COPE: variants seen among roughly 807,000 people sequenced by gnomAD.
COPE encodes coat protein complex I subunit epsilon.
In COPE, 19 loss-of-function variants were observed where a neutral mutation model predicts 42.1. That is an observed-to-expected ratio of 0.45 (90% confidence interval 0.31 to 0.66). The LOEUF (loss-of-function observed/expected upper bound fraction) is 0.66. Among genes scored for constraint, COPE ranks in the 30% least tolerant of loss-of-function variants. The probability of loss-of-function intolerance (pLI) is 0.05; values close to 1 mark genes in which losing one functional copy is unlikely to be tolerated. For synonymous variants in COPE, 195 were observed against 181.3 expected (o/e 1.08, Z -0.60); for missense variants, 402 against 416.1 (o/e 0.97, Z 0.30).
intron 3 of COPE, among the ~76,000 whole-genome samples, chr19:18,909,055 C>G (rs1009180087): frequency 6.6e-6 from 1 of 152,200 alleles, no homozygotes; most frequent in Non-Finnish European, 1.5e-5. Flanking sequence ...GTCCCCGGGG[C>G]GTCCTGCCAA....
intron 1 of COPE, 99 bp downstream of exon 1, chr19:18,919,124 G>T (rs2231984): frequency 0.054 from 74,587 of 1,370,232 alleles, 2,743 homozygotes; most frequent in Admixed American, 0.07. Context: ...AACGCGAGAA[G>T]AAAAGAGAAA....
intron 3 of COPE, among the ~76,000 whole-genome samples, chr19:18,908,292 C>T (rs976862187): frequency 6.6e-6 from 1 of 151,874 alleles, no homozygotes; most frequent in Non-Finnish European, 1.5e-5. Context: ...TCAGCTGGGC[C>T]TGGTGGCGCC....
chr19:18,919,148 G>T, intron 1 of COPE, 75 bp downstream of exon 1: 1 of 1,514,698 alleles, frequency 6.6e-7, no homozygotes, highest in Non-Finnish European at 9.0e-7. Flanking sequence ...TTTAGACGCA[G>T]AACGCGGCTC....
At chr19:18,906,803 C>T (rs1044167164) in intron 4 of COPE, 157 bp downstream of exon 4, 5 of 837,550 alleles carry the variant, frequency 6.0e-6, no homozygotes, top group Admixed American at 3.0e-5. Context: ...CCACACTGGG[C>T]AGGGGAGCTG....
At chr19:18,907,716 T>C (rs559523346) in intron 3 of COPE, among the ~76,000 whole-genome samples, 1 of 152,248 alleles carries the variant, frequency 6.6e-6, no homozygotes, top group South Asian at 2.1e-4. Flanking sequence ...ACCCAGACCC[T>C]CCATTCCCCA....
intron 3 of COPE, among the ~76,000 whole-genome samples, chr19:18,908,820 C>G (rs1047784283): frequency 3.9e-5 from 6 of 151,994 alleles, no homozygotes; most frequent in African/African-American, 1.4e-4. Context: ...CCCGGCCAGG[C>G]AAAACCCCAT....
At chr19:18,902,765 AAGGGAAAG>A (rs1300650521) in intron 7 of COPE, among the ~76,000 whole-genome samples, 975 of 46,190 alleles carry the variant, frequency 0.021, 134 homozygotes, top group African/African-American at 0.079. Context: ...GGAAGGAAGG[AAGGGAAAG>A]AAGGAAGGAA....
intron 7 of COPE, 98 bp from the exon 8 acceptor site, chr19:18,900,547 T>C: frequency 2.2e-6 from 2 of 895,200 alleles, no homozygotes; most frequent in South Asian, 1.6e-5. Context: ...CAAGGTCACC[T>C]CCTCAGAGGT....
At chr19:18,919,006 CAG>C (rs1278207250) in intron 1 of COPE, among the ~76,000 whole-genome samples, 3 of 152,262 alleles carry the variant, frequency 2.0e-5, no homozygotes, top group African/African-American at 7.2e-5. Context: ...TTCAAGGGCG[CAG>C]AGAGAACGCT....
At chr19:18,918,321 C>T (rs566379260) in intron 1 of COPE, among the ~76,000 whole-genome samples, 47 of 152,194 alleles carry the variant, frequency 3.1e-4, no homozygotes, top group African/African-American at 1.1e-3. Context: ...ACTCTCCGAC[C>T]CTGAATCCTT....
intron 4 of COPE, chr19:18,906,731 G>A (rs764754228): frequency 2.0e-5 from 10 of 502,842 alleles, no homozygotes; most frequent in Non-Finnish European, 3.5e-5. Context: ...TGGGAACAGA[G>A]GGTTGCAGCC....
intron 3 of COPE, among the ~76,000 whole-genome samples, chr19:18,908,664 C>T (rs1464841927): frequency 6.6e-6 from 1 of 151,550 alleles, no homozygotes; most frequent in African/African-American, 2.4e-5. Flanking sequence ...CTACAGGCAC[C>T]CGCCACCATG....
At chr19:18,910,884 G>T (rs556356874) in intron 3 of COPE, 87 bp downstream of exon 3, 1 of 1,177,770 alleles carries the variant, frequency 8.5e-7, no homozygotes, top group Non-Finnish European at 1.3e-6. Flanking sequence ...TGCGCTGCAC[G>T]CCATGCCCCC....
chr19:18,902,583 T>C (rs2056710412), intron 7 of COPE, among the ~76,000 whole-genome samples: 1 of 145,980 alleles, frequency 6.9e-6, no homozygotes, highest in Non-Finnish European at 1.5e-5. Context: ...AAGAATCACT[T>C]GAACCCAGGA....
chr19:18,909,288 C>G (rs1039101497), intron 3 of COPE, among the ~76,000 whole-genome samples: 1 of 152,190 alleles, frequency 6.6e-6, no homozygotes, highest in African/African-American at 2.4e-5. Flanking sequence ...GGCAAAGCAC[C>G]ACAGCCCGGG....
intron 7 of COPE, among the ~76,000 whole-genome samples, chr19:18,900,837 A>C (rs1040869429): frequency 3.9e-5 from 6 of 152,186 alleles, no homozygotes; most frequent in Non-Finnish European, 8.8e-5. Context: ...GCCTTGAAGG[A>C]GACCTCGGCA....
chr19:18,908,599 C>T (rs998707317), intron 3 of COPE, among the ~76,000 whole-genome samples: 22 of 151,044 alleles, frequency 1.5e-4, no homozygotes, highest in Non-Finnish European at 2.5e-4. Flanking sequence ...TCACTGCAAG[C>T]TCCGCCTCCC....
intron 6 of COPE, among the ~76,000 whole-genome samples, chr19:18,904,018 T>C (rs570884282): frequency 1.3e-5 from 2 of 152,152 alleles, no homozygotes; most frequent in Admixed American, 6.5e-5. Flanking sequence ...CAGGCAGGAG[T>C]GCACTGGCGC....
intron 4 of COPE, chr19:18,906,202 G>T (rs2056757773): frequency 5.6e-6 from 2 of 359,430 alleles, no homozygotes; most frequent in South Asian, 1.5e-4. Context: ...TTTCTTTTTT[G>T]TGTGTGAGTC....
Sources: gnomAD v4.1 joint callset for allele counts (sites outside exome capture counted in the v4.1 genomes callset) on GRCh38, gnomAD v4.1.1 for gene constraint, MANE v1.5 for transcripts, NCBI Gene and HGNC (gene_info 2026-07-23, HGNC 2026-07-21) for gene names.